KCNMA1: variants seen among roughly 807,000 people sequenced by gnomAD.
The protein encoded by KCNMA1 is potassium calcium-activated channel subfamily M alpha 1.
KCNMA1 carries 29 observed loss-of-function variants against 140.0 expected under a neutral mutation model. That is an observed-to-expected ratio of 0.21 (90% CI 0.15 to 0.28). The LOEUF (loss-of-function observed/expected upper bound fraction) is 0.28, where lower values mean the gene tolerates loss of function less well. Ranked by LOEUF, KCNMA1 falls within the 10% of genes least tolerant of loss-of-function variation. The pLI is 1.00. For missense variants in KCNMA1, 880 were observed against 1,602.2 expected (o/e 0.55, Z 7.70); for synonymous variants, 612 against 611.9 (o/e 1.00, Z 0.00).
chr10:77,572,602 A>ATATATATATATATATATATATATT (rs2072020587), intron 1 of KCNMA1, among the ~76,000 whole-genome samples: 1 of 115,950 alleles, frequency 8.6e-6, no homozygotes, highest in Non-Finnish European at 1.8e-5. Flanking sequence ...ATATATATAT[A>ATATATATATATATATATATATATT]TAAATTAGCT....
At chr10:76,997,519 G>A (rs956969910) in intron 19 of KCNMA1, among the ~76,000 whole-genome samples, 2 of 152,176 alleles carry the variant, frequency 1.3e-5, no homozygotes, top group Non-Finnish European at 2.9e-5. Context: ...GTCTCAGCAG[G>A]TCTGAATCAG....
At chr10:77,467,387 T>C (rs1025934839) in intron 1 of KCNMA1, among the ~76,000 whole-genome samples, 1 of 152,208 alleles carries the variant, frequency 6.6e-6, no homozygotes, top group Admixed American at 6.5e-5. Context: ...TAATGTTGAC[T>C]GAGCAGTGCT....
At chr10:77,027,987 C>G in intron 15 of KCNMA1, 96 bp from the exon 16 acceptor site, 1 of 1,102,040 alleles carries the variant, frequency 9.1e-7, no homozygotes, top group Non-Finnish European at 1.4e-6. Context: ...CTAATGCAGT[C>G]ATTACCGAGG....
At chr10:77,325,325 C>T (rs967747455) in intron 2 of KCNMA1, among the ~76,000 whole-genome samples, 19 of 152,244 alleles carry the variant, frequency 1.2e-4, no homozygotes, top group African/African-American at 4.3e-4. Flanking sequence ...CAGCACTGGG[C>T]GTCGAGGAGA....
chr10:77,357,413 T>A lies in KCNMA1; in HGVS notation c.540+46449A>T, dbSNP rs527321382. 2.2e-3 allele frequency among the ~76,000 whole-genome samples: 332 copies of A among 152,346 alleles called. 2 individuals are homozygous for A. The highest frequency in any genetic ancestry group is 3.7e-3 in the Admixed American group (57 of 15,304). Reference sequence around the variant, plus strand: ...ATAGTCAAATCTGACAGTCAGAGAGTATCTGCCAGCCTCTGCTTAGATATA... The same window carrying A: ...ATAGTCAAATCTGACAGTCAGAGAGAATCTGCCAGCCTCTGCTTAGATATA... On this transcript the variant is annotated intron_variant, in intron 2 of 27. Transcript: ENST00000286628.
intron 2 of KCNMA1, among the ~76,000 whole-genome samples, chr10:77,396,457 A>G (rs1023022651): frequency 3.3e-5 from 5 of 152,170 alleles, no homozygotes; most frequent in African/African-American, 1.2e-4. Flanking sequence ...AATGCAATGA[A>G]TGTGATATAT....
intron 1 of KCNMA1, among the ~76,000 whole-genome samples, chr10:77,429,923 T>C (rs2097115426): frequency 6.6e-6 from 1 of 152,124 alleles, no homozygotes; most frequent in Non-Finnish European, 1.5e-5. Context: ...GAGCCATGCA[T>C]AGAAGCTGAA....
chr10:76,943,112 C>T (rs2063015999), intron 23 of KCNMA1, among the ~76,000 whole-genome samples: 1 of 152,180 alleles, frequency 6.6e-6, no homozygotes, highest in South Asian at 2.1e-4. Flanking sequence ...AACCAAATGC[C>T]GGCTTGCCTC....
intron 26 of KCNMA1, 89 bp downstream of exon 26, chr10:76,891,436 G>T: frequency 1.0e-6 from 1 of 969,676 alleles, no homozygotes. Context: ...AAAGCCAGAT[G>T]CCTAGCTTGT....
intron 2 of KCNMA1, among the ~76,000 whole-genome samples, chr10:77,395,108 A>T (rs1437962778): frequency 1.3e-5 from 2 of 152,130 alleles, no homozygotes; most frequent in Non-Finnish European, 2.9e-5. Context: ...GCACTTTGGG[A>T]GGTCAAGGTG....
intron 25 of KCNMA1, among the ~76,000 whole-genome samples, chr10:76,896,160 G>T (rs1040291194): frequency 2.6e-5 from 4 of 152,184 alleles, no homozygotes; most frequent in East Asian, 3.9e-4. Context: ...TCCCTTATCT[G>T]CAACTCCATA....
At chr10:77,551,947 A>T (rs1226999760) in intron 1 of KCNMA1, among the ~76,000 whole-genome samples, 3 of 152,190 alleles carry the variant, frequency 2.0e-5, no homozygotes, top group Non-Finnish European at 2.9e-5. Context: ...GAAGGCCAGA[A>T]GTGACGAGGA....
At chr10:77,588,879 C>G (rs1272059424) in intron 1 of KCNMA1, among the ~76,000 whole-genome samples, 2 of 152,212 alleles carry the variant, frequency 1.3e-5, no homozygotes, top group African/African-American at 4.8e-5. Flanking sequence ...CAAGAAGCAG[C>G]AAGATAAACG....
At chr10:77,034,792 G>A (rs920458696) in intron 15 of KCNMA1, among the ~76,000 whole-genome samples, 1 of 152,202 alleles carries the variant, frequency 6.6e-6, no homozygotes, top group Non-Finnish European at 1.5e-5. Context: ...GGGACAGAGA[G>A]AGACACATAC....
At chr10:76,951,415 G>C (rs1430773998) in intron 21 of KCNMA1, among the ~76,000 whole-genome samples, 1 of 152,132 alleles carries the variant, frequency 6.6e-6, no homozygotes, top group African/African-American at 2.4e-5. Context: ...TGTATGACGG[G>C]ACTTGCCTGG....
chr10:77,055,926 C>T (rs76005567), intron 14 of KCNMA1, among the ~76,000 whole-genome samples: 4,683 of 152,300 alleles, frequency 0.031, 231 homozygotes, highest in African/African-American at 0.11. Flanking sequence ...ACTGACCCTA[C>T]ACAGCACATT....
At chr10:77,535,330 C>T (rs1000072852) in intron 1 of KCNMA1, among the ~76,000 whole-genome samples, 8 of 152,210 alleles carry the variant, frequency 5.3e-5, no homozygotes, top group Non-Finnish European at 2.9e-5. Flanking sequence ...CCGAAAAATA[C>T]GGATGGAAGT....
At chr10:77,390,960 T>C (rs777389351) in intron 2 of KCNMA1, among the ~76,000 whole-genome samples, 78 of 152,176 alleles carry the variant, frequency 5.1e-4, no homozygotes, top group Admixed American at 1.0e-3. Flanking sequence ...TGAACTGTCC[T>C]GTTTCCCTTA....
At chr10:77,497,128 C>T (rs992961401) in intron 1 of KCNMA1, among the ~76,000 whole-genome samples, 4 of 152,232 alleles carry the variant, frequency 2.6e-5, no homozygotes, top group African/African-American at 9.6e-5. Context: ...TGTCCTTCCA[C>T]TGGCTTTTTG....
Sources: allele counts gnomAD v4.1 joint callset (sites outside exome capture counted in the v4.1 genomes callset), GRCh38; gene constraint gnomAD v4.1.1; transcripts MANE v1.5; gene names NCBI Gene and HGNC (gene_info 2026-07-23, HGNC 2026-07-21).